The following GALNT18 variants were observed in gnomAD, a reference collection of about 807,000 sequenced individuals.
GALNT18 encodes GalNAc-transferase 18.
In GALNT18, 44 loss-of-function variants were observed where a neutral mutation model predicts 69.5. That is an observed-to-expected ratio of 0.63 (90% CI 0.50 to 0.81). GALNT18 has a LOEUF of 0.81. Ranked by LOEUF, GALNT18 falls within the 40% of genes least tolerant of loss-of-function variation. The pLI, the probability that GALNT18 is intolerant of heterozygous loss-of-function variation, is 0.00. For missense variants in GALNT18, 715 were observed against 810.0 expected, an observed-to-expected ratio of 0.88 and a Z score of 1.42; for synonymous variants, 364 against 318.2, an observed-to-expected ratio of 1.14 and a Z score of -1.53.
At chr11:11,293,684 G>T (rs1430661982) in intron 9 of GALNT18, among the ~76,000 whole-genome samples, 5 of 151,944 alleles carry the variant, frequency 3.3e-5, no homozygotes, top group Admixed American at 3.3e-4. Context: ...TGGGATTACA[G>T]ATGCGCACCA....
intron 1 of GALNT18, among the ~76,000 whole-genome samples, chr11:11,559,997 G>T (rs1160476988): frequency 7.6e-6 from 1 of 131,500 alleles, no homozygotes; most frequent in African/African-American, 2.8e-5. Flanking sequence ...TGATGGGATG[G>T]TGTGGAATAG....
At chr11:11,518,713 G>C (rs1253350631) in intron 1 of GALNT18, among the ~76,000 whole-genome samples, 1 of 152,224 alleles carries the variant, frequency 6.6e-6, no homozygotes, top group Non-Finnish European at 1.5e-5. Flanking sequence ...TTTTCATTAA[G>C]AAAGGATTCT....
chr11:11,398,965 G>C (rs1211825923), intron 3 of GALNT18, among the ~76,000 whole-genome samples: 1 of 152,196 alleles, frequency 6.6e-6, no homozygotes, highest in Non-Finnish European at 1.5e-5. Context: ...GTGAGAGGGA[G>C]CTGGAGCTGA....
chr11:11,456,453 C>A (rs146779341), intron 1 of GALNT18, among the ~76,000 whole-genome samples: 1 of 152,180 alleles, frequency 6.6e-6, no homozygotes, highest in Non-Finnish European at 1.5e-5. Flanking sequence ...ACCTTCCTAG[C>A]GGTGGCAAAC....
chr11:11,524,401 T>C (rs1453081072), intron 1 of GALNT18, among the ~76,000 whole-genome samples: 1 of 152,246 alleles, frequency 6.6e-6, no homozygotes, highest in African/African-American at 2.4e-5. Flanking sequence ...TGCCTTGCAG[T>C]ATCCCTCCAT....
intron 6 of GALNT18, among the ~76,000 whole-genome samples, chr11:11,367,380 C>T (rs530693742): frequency 6.6e-6 from 1 of 152,294 alleles, no homozygotes; most frequent in African/African-American, 2.4e-5. Flanking sequence ...CAGTAAGAAA[C>T]CCCAAGTGGG....
At chr11:11,594,916 C>T (rs1397416492) in intron 1 of GALNT18, among the ~76,000 whole-genome samples, 2 of 139,898 alleles carry the variant, frequency 1.4e-5, no homozygotes, top group African/African-American at 2.7e-5. Context: ...ACAAAATATG[C>T]GTGTGTGTAT....
chr11:11,322,602 T>C (rs980638353), intron 9 of GALNT18, among the ~76,000 whole-genome samples: 4 of 152,200 alleles, frequency 2.6e-5, no homozygotes, highest in Non-Finnish European at 4.4e-5. Context: ...GATAGTACTA[T>C]ACACCCACTA....
At chr11:11,293,531 C>CTTTTTTTTT (rs1564883642) in intron 9 of GALNT18, among the ~76,000 whole-genome samples, 43 of 89,174 alleles carry the variant, frequency 4.8e-4, no homozygotes, top group African/African-American at 1.8e-3. Context: ...TTACAAACCC[C>CTTTTTTTTT]TCTTTTTTTT....
At chr11:11,381,256 A>G (rs1204783261) in intron 3 of GALNT18, among the ~76,000 whole-genome samples, 3 of 152,194 alleles carry the variant, frequency 2.0e-5, no homozygotes, top group Admixed American at 6.5e-5. Context: ...TGAAAAATTT[A>G]AATAGAGCTC....
chr11:11,441,760 C>T (rs1167350288), intron 2 of GALNT18, among the ~76,000 whole-genome samples: 1 of 152,220 alleles, frequency 6.6e-6, no homozygotes, highest in African/African-American at 2.4e-5. Context: ...TCATGGCCTA[C>T]CTGCTCCTGC....
rs1460253388 is a variant in GALNT18, at chr11:11,617,129, C to T, written c.235+4230G>A. On this transcript the variant is annotated intron_variant, in intron 1 of 10. Coordinates refer to ENST00000227756, the MANE Select transcript of GALNT18 (RefSeq NM_198516.3). The surrounding 1 kb of genome is among the most constrained non-coding windows in gnomAD (Gnocchi z 4.7). Reference sequence around the variant, plus strand: ...CAGGACGCCAATTGGCAGATGCATCCCAAAGACAGAACTTTGGCCTGATAT... The same window carrying T: ...CAGGACGCCAATTGGCAGATGCATCTCAAAGACAGAACTTTGGCCTGATAT... 2.6e-5 allele frequency among the ~76,000 whole-genome samples: 4 copies of T among 152,112 alleles called. No individual in the cohort carries two copies. Among genetic ancestry groups the T allele is most frequent in the African/African-American group, 9.7e-5 (4 of 41,422 alleles).
intron 2 of GALNT18, among the ~76,000 whole-genome samples, chr11:11,437,290 T>G (rs947164208): frequency 6.6e-6 from 1 of 152,224 alleles, no homozygotes; most frequent in African/African-American, 2.4e-5. Context: ...CCCTTTTTAC[T>G]TTTATTCTTG....
At chr11:11,482,335 C>G (rs1360642635) in intron 1 of GALNT18, among the ~76,000 whole-genome samples, 1 of 152,264 alleles carries the variant, frequency 6.6e-6, no homozygotes, top group East Asian at 1.9e-4. Flanking sequence ...GCTCTTCACA[C>G]TGATCCCAAG....
At chr11:11,346,587 T>C (rs75216174) in intron 6 of GALNT18, among the ~76,000 whole-genome samples, 7,106 of 152,302 alleles carry the variant, frequency 0.047, 228 homozygotes, top group South Asian at 0.12. Flanking sequence ...GCACAGGCGA[T>C]AGCAGGCAGC....
At chr11:11,363,801 G>A (rs577707154) in intron 6 of GALNT18, among the ~76,000 whole-genome samples, 10 of 152,238 alleles carry the variant, frequency 6.6e-5, no homozygotes, top group African/African-American at 1.9e-4. Flanking sequence ...CTCACAGTAA[G>A]CTGGGTTCCT....
chr11:11,567,557 A>G (rs547971556), intron 1 of GALNT18, among the ~76,000 whole-genome samples: 1 of 152,338 alleles, frequency 6.6e-6, no homozygotes, highest in African/African-American at 2.4e-5. Flanking sequence ...TGAAAAGCAT[A>G]GTCTTAAAGC....
intron 1 of GALNT18, among the ~76,000 whole-genome samples, chr11:11,473,759 T>G (rs1214435518): frequency 6.6e-6 from 1 of 152,186 alleles, no homozygotes; most frequent in Non-Finnish European, 1.5e-5. Context: ...TGGCAGACAT[T>G]GAGACTTTAA....
chr11:11,438,132 C>T (rs975185741), intron 2 of GALNT18, among the ~76,000 whole-genome samples: 1 of 152,250 alleles, frequency 6.6e-6, no homozygotes, highest in African/African-American at 2.4e-5. Context: ...ACTCCAGCCT[C>T]TGTCTCCTAC....
Sources: allele counts gnomAD v4.1 joint callset (sites outside exome capture counted in the v4.1 genomes callset), GRCh38; gene constraint gnomAD v4.1.1; non-coding constraint Gnocchi (gnomAD v3.1); transcripts MANE v1.5; gene names NCBI Gene and HGNC (gene_info 2026-07-23, HGNC 2026-07-21).